Variants in TMEM30A observed in about 807,000 individuals in gnomAD.
TMEM30A encodes the protein cell cycle control protein 50A.
TMEM30A carries 24 observed loss-of-function variants against 38.2 expected under a neutral mutation model. The ratio of observed to expected loss-of-function variants is 0.63; its 90% confidence interval spans 0.46 to 0.88. The LOEUF (loss-of-function observed/expected upper bound fraction) is 0.88. TMEM30A is among the 40% of genes least tolerant of loss of function. TMEM30A has a pLI of 0.00. For synonymous variants in TMEM30A, 145 were observed against 161.6 expected, an observed-to-expected ratio of 0.90 and a Z score of 0.78; for missense variants, 370 against 458.6, an observed-to-expected ratio of 0.81 and a Z score of 1.77.
Position 75,270,602 on chromosome 6 carries a change from A to C in TMEM30A, c.238-2854T>G, listed in dbSNP as rs1251922338. 2.0e-5 allele frequency among the ~76,000 whole-genome samples: 3 copies of C among 152,332 alleles called. No individual in the cohort carries two copies. In the East Asian group the frequency reaches 5.8e-4, roughly 29 times the overall value. ...GACCTCACTAGGAGCTGAATCTACC[A>C]GTACCTTGACCTTGGACTTCCCAGC... On this transcript the variant is annotated intron_variant, in intron 1 of 6. Transcript: ENST00000230461.
intron 3 of TMEM30A, among the ~76,000 whole-genome samples, chr6:75,263,566 A>C (rs1007413408): frequency 5.3e-5 from 8 of 152,184 alleles, no homozygotes; most frequent in African/African-American, 1.9e-4. Flanking sequence ...AAAAAATAGC[A>C]GGCCTTGAGA....
In TMEM30A at chr6:75,258,905, T is replaced by C; in HGVS notation, c.767A>G (p.Asp256Gly). ...DPDNNGFINE[D>G]FIVWMRTAAL... ...TGCAGTACGCATCCAAACAATAAAA[T>C]CCTCATTTATGAATCCATTATTATC... is the stretch of plus-strand genomic sequence containing the variant. Residue 256 changes from aspartate (D) to glycine (G), a missense_variant, in exon 6 of 7, where the codon GAT (aspartate) becomes GGT (glycine). By Grantham distance (94) the Asp-to-Gly change is moderately conservative. Transcript: ENST00000230461. 1 of 1,613,944 alleles carries C rather than the reference T, an allele frequency of 6.2e-7. No individual in the cohort carries two copies. The highest frequency in any genetic ancestry group is 8.5e-7 in the Non-Finnish European group (1 of 1,179,940).
chr6:75,267,293 G>A lies in TMEM30A; in HGVS notation c.345+348C>T, dbSNP rs541208717. On this transcript the variant is annotated intron_variant, in intron 2 of 6. Transcript: ENST00000230461. The stretch of plus-strand genomic sequence containing the variant: ...CTAAAGTAAAGCTTGCTTTAGTATC[G>A]TAAGTATGCACAACAATTTGAGCAA... Among the ~76,000 whole-genome samples, 5 of 152,178 alleles carry A rather than the reference G, an allele frequency of 3.3e-5. No homozygotes were observed. In the East Asian group the frequency reaches 5.8e-4, roughly 18 times the overall value.
At chr6:75,268,275 G>A (rs985275746) in intron 1 of TMEM30A, among the ~76,000 whole-genome samples, 1 of 152,174 alleles carries the variant, frequency 6.6e-6, no homozygotes, top group Non-Finnish European at 1.5e-5. Context: ...GGTGACAGAA[G>A]TATCTTTGTT....
At chr6:75,279,750 A>T (rs753674651) in intron 1 of TMEM30A, among the ~76,000 whole-genome samples, 1 of 152,214 alleles carries the variant, frequency 6.6e-6, no homozygotes, top group East Asian at 1.9e-4. Flanking sequence ...TATTTCTAAG[A>T]AACAGACTCA....
intron 3 of TMEM30A, among the ~76,000 whole-genome samples, chr6:75,264,344 A>G (rs1354026038): frequency 6.6e-6 from 1 of 152,172 alleles, no homozygotes; most frequent in African/African-American, 2.4e-5. Context: ...CAGTAACATA[A>G]AATACTTAGG....
Position 75,265,221 on chromosome 6 carries a change from T to G in TMEM30A, c.453+10A>C, listed in dbSNP as rs752819976. ...AGATATCATATTTTCATATTTATCA[T>G]TTTACTTACAAGCAAAGCACTAGAA... On this transcript the variant is annotated intron_variant, in intron 3 of 6. Transcript: ENST00000230461. 2 of 1,496,030 alleles carry G rather than the reference T, an allele frequency of 1.3e-6. No individual in the cohort carries two copies. Among genetic ancestry groups the G allele is most frequent in the Non-Finnish European group, 1.8e-6 (2 of 1,085,260 alleles). The allele number at this position is 1,496,030 out of a possible 1,614,324, so 92.7% of individuals were successfully genotyped here.
intron 6 of TMEM30A, 137 bp downstream of exon 6, chr6:75,258,643 C>T (rs1301982060): frequency 4.4e-6 from 3 of 687,770 alleles, no homozygotes; most frequent in East Asian, 2.7e-5. Flanking sequence ...TACATTCTCA[C>T]ATATACCACA....
intron 1 of TMEM30A, among the ~76,000 whole-genome samples, chr6:75,281,652 A>G (rs1454258558): frequency 6.6e-6 from 1 of 152,196 alleles, no homozygotes; most frequent in African/African-American, 2.4e-5. Flanking sequence ...GTGATTTTAT[A>G]CTTGAAAAAG....
chr6:75,284,657 T>C lies in TMEM30A; in HGVS notation c.-19A>G. 2 of 1,610,244 alleles carry C rather than the reference T, an allele frequency of 1.2e-6. No individual in the cohort carries two copies. The highest frequency in any genetic ancestry group is 1.7e-6 in the Non-Finnish European group (2 of 1,179,490). ...TCGCCATCGATCCCTGGGGCGCCGC[T>C]CCGCGATTTGCAGGTGGACCACCCA... On this transcript the variant is annotated 5_prime_UTR_variant, in exon 1 of 7. Transcript: ENST00000230461.
chr6:75,278,185 C>T (rs1003919700), intron 1 of TMEM30A, among the ~76,000 whole-genome samples: 13 of 152,132 alleles, frequency 8.5e-5, no homozygotes, highest in African/African-American at 1.4e-4. Context: ...TTAATTCCAG[C>T]GTCTAAACTA....
chr6:75,254,499 G>T lies in TMEM30A; in HGVS notation c.*1603C>A, dbSNP rs192958493. Reference sequence around the variant, plus strand: ...CAAGTAATATTTTTACCAGTTAAAAGTCATTATGAAACACACATTCTTTTA... The same window carrying T: ...CAAGTAATATTTTTACCAGTTAAAATTCATTATGAAACACACATTCTTTTA... On this transcript the variant is annotated 3_prime_UTR_variant, in exon 7 of 7. Transcript: ENST00000230461. 2.0e-4 allele frequency: 31 copies of T among 152,206 alleles called. No individual in the cohort carries two copies. Among genetic ancestry groups the T allele is most frequent in the African/African-American group, 7.2e-4 (30 of 41,556 alleles). 9.4% of individuals were successfully genotyped at this position (152,206 alleles called of 1,614,324 possible). A position where few individuals can be genotyped will look rare whatever the true frequency, so the allele number is the denominator to read the frequency against.
intron 1 of TMEM30A, among the ~76,000 whole-genome samples, chr6:75,280,041 C>CA (rs1005880541): frequency 6.6e-6 from 1 of 152,100 alleles, no homozygotes; most frequent in Non-Finnish European, 1.5e-5. Context: ...TTAATGAAGA[C>CA]AAAAGGTAAG....
At chr6:75,275,648 CATAAAT>C (rs775074303) in intron 1 of TMEM30A, among the ~76,000 whole-genome samples, 19 of 152,206 alleles carry the variant, frequency 1.2e-4, no homozygotes, top group Non-Finnish European at 2.8e-4. Context: ...GCTCTACTTT[CATAAAT>C]ATATTCTATA....
At chr6:75,279,876 A>G (rs1408791813) in intron 1 of TMEM30A, among the ~76,000 whole-genome samples, 3 of 152,224 alleles carry the variant, frequency 2.0e-5, no homozygotes, top group African/African-American at 7.2e-5. Flanking sequence ...GGAAATCAAC[A>G]TAAGACCTAA....
chr6:75,262,922 T>G (rs1001219047), intron 3 of TMEM30A, among the ~76,000 whole-genome samples: 2 of 152,236 alleles, frequency 1.3e-5, no homozygotes, highest in Non-Finnish European at 2.9e-5. Context: ...TGGTAAACAG[T>G]GATTAAAGAA....
intron 1 of TMEM30A, among the ~76,000 whole-genome samples, chr6:75,279,150 G>T (rs74321702): frequency 0.034 from 5,162 of 152,080 alleles, 195 homozygotes; most frequent in East Asian, 0.1. Context: ...GAAGTCCTGT[G>T]CCCAAACTTT....
intron 3 of TMEM30A, among the ~76,000 whole-genome samples, chr6:75,265,013 C>G (rs989909667): frequency 1.2e-4 from 19 of 152,020 alleles, no homozygotes; most frequent in African/African-American, 4.3e-4. Context: ...GGCAAAATTG[C>G]TTGAACCTGG....
chr6:75,271,575 T>C (rs569456110), intron 1 of TMEM30A, among the ~76,000 whole-genome samples: 37 of 152,334 alleles, frequency 2.4e-4, no homozygotes, highest in Admixed American at 4.6e-4. Flanking sequence ...TCATACGTTA[T>C]ACAGTTTACA....
Sources: gnomAD v4.1 joint callset for allele counts (sites outside exome capture counted in the v4.1 genomes callset) on GRCh38, gnomAD v4.1.1 for gene constraint, MANE v1.5 for transcripts, NCBI Gene and HGNC (gene_info 2026-07-23, HGNC 2026-07-21) for gene names.